Variants in TYW1 observed in about 807,000 individuals in gnomAD.
TYW1 encodes the protein tRNA-yW synthesizing protein 1 homolog.
TYW1 carries 46 observed loss-of-function variants against 96.2 expected under a neutral mutation model. The ratio of observed to expected loss-of-function variants is 0.48; its 90% CI spans 0.38 to 0.61. TYW1 has a LOEUF of 0.61. Ranked by LOEUF, TYW1 falls within the 20% of genes least tolerant of loss-of-function variation. The pLI, the probability that TYW1 is intolerant of heterozygous loss-of-function variation, is 0.00. For synonymous variants in TYW1, 274 were observed against 323.0 expected (o/e 0.85, Z 1.63); for missense variants, 684 against 909.6 (o/e 0.75, Z 3.19).
At chr7:67,087,643 A>G (rs1232878675) in intron 11 of TYW1, among the ~76,000 whole-genome samples, 3 of 152,070 alleles carry the variant, frequency 2.0e-5, no homozygotes, top group African/African-American at 7.3e-5. Flanking sequence ...TTACCATGTC[A>G]GGAAAACCTC....
chr7:67,144,573 C>T (rs1038063535), intron 13 of TYW1, among the ~76,000 whole-genome samples: 10 of 152,120 alleles, frequency 6.6e-5, no homozygotes, highest in Non-Finnish European at 1.3e-4. Context: ...CCGACTCAAG[C>T]AATCCTCCTG....
intron 13 of TYW1, among the ~76,000 whole-genome samples, chr7:67,171,107 T>C (rs1403703974): frequency 5.3e-5 from 8 of 152,136 alleles, no homozygotes. Flanking sequence ...CCATTTCTCC[T>C]TGAGTCATTT....
intron 5 of TYW1, among the ~76,000 whole-genome samples, 190 bp downstream of exon 5, chr7:67,014,751 T>G (rs778809042): frequency 2.2e-4 from 33 of 152,192 alleles, no homozygotes; most frequent in Non-Finnish European, 4.3e-4. Context: ...TTGATTGAGA[T>G]AGAGTTTTGC....
At chr7:67,114,736 G>A (rs1797537866) in intron 12 of TYW1, among the ~76,000 whole-genome samples, 1 of 152,152 alleles carries the variant, frequency 6.6e-6, no homozygotes, top group Non-Finnish European at 1.5e-5. Flanking sequence ...ACTCTACTGG[G>A]AGCCTCATTA....
At chr7:67,063,171 A>G (rs1361057072) in intron 9 of TYW1, among the ~76,000 whole-genome samples, 4 of 152,222 alleles carry the variant, frequency 2.6e-5, no homozygotes, top group Non-Finnish European at 5.9e-5. Context: ...CACCATATCA[A>G]ACATGCTAAG....
intron 7 of TYW1, among the ~76,000 whole-genome samples, chr7:67,042,119 TTAAC>T (rs1234850448): frequency 2.0e-5 from 3 of 147,706 alleles, no homozygotes; most frequent in African/African-American, 4.9e-5. Flanking sequence ...GAATATAATT[TTAAC>T]TAATTATTCT....
chr7:67,213,252 C>T (rs1401523253), intron 15 of TYW1, among the ~76,000 whole-genome samples: 1 of 152,024 alleles, frequency 6.6e-6, no homozygotes, highest in Non-Finnish European at 1.5e-5. Context: ...ACTGCAGCCT[C>T]TAATTCCTGG....
In TYW1 at chr7:67,195,717, A is replaced by G. The variant is rs183359446; in HGVS notation, c.1977+380A>G. ...TAGCTGTCAGAAGCAATATTGTGGT[A>G]TCTATCAAATTTTAGATTGCTTGAA... On this transcript the variant is annotated intron_variant, in intron 15 of 15. Coordinates refer to ENST00000359626, the MANE Select transcript of TYW1 (RefSeq NM_018264.4). 2.6e-3 allele frequency among the ~76,000 whole-genome samples: 394 copies of G among 152,268 alleles called. 3 individuals carry two copies. Among genetic ancestry groups the G allele is most frequent in the African/African-American group, 9.0e-3 (374 of 41,518 alleles).
chr7:67,044,260 G>A (rs1482905501), intron 7 of TYW1, among the ~76,000 whole-genome samples: 1 of 151,730 alleles, frequency 6.6e-6, no homozygotes, highest in Non-Finnish European at 1.5e-5. Context: ...CACCACGCCT[G>A]GCTAATTTTT....
chr7:67,092,213 C>T (rs540293572), intron 11 of TYW1, among the ~76,000 whole-genome samples: 6 of 152,118 alleles, frequency 3.9e-5, no homozygotes, highest in Admixed American at 3.3e-4. Context: ...GAAAGTAGAG[C>T]CAGCTGATTG....
At chr7:67,056,100 A>T (rs909762494) in intron 9 of TYW1, among the ~76,000 whole-genome samples, 2 of 152,208 alleles carry the variant, frequency 1.3e-5, no homozygotes, top group Non-Finnish European at 2.9e-5. Context: ...TCCCCACCCC[A>T]GTGAATTTAT....
At chr7:67,092,746 G>A (rs1267798344) in intron 11 of TYW1, among the ~76,000 whole-genome samples, 2 of 137,924 alleles carry the variant, frequency 1.5e-5, no homozygotes, top group Non-Finnish European at 3.1e-5. Context: ...GCAGTGGTGA[G>A]ATCTCGGCTC....
At chr7:67,027,143 TG>T (rs992770593) in intron 7 of TYW1, among the ~76,000 whole-genome samples, 36 of 151,460 alleles carry the variant, frequency 2.4e-4, no homozygotes, top group African/African-American at 7.8e-4. Flanking sequence ...GAGGCTGCAG[TG>T]AGCTGTGATC....
intron 13 of TYW1, among the ~76,000 whole-genome samples, chr7:67,175,685 G>A (rs1467692300): frequency 6.6e-6 from 1 of 152,126 alleles, no homozygotes; most frequent in Non-Finnish European, 1.5e-5. Context: ...AAAGCTGGTA[G>A]GATAAGGTTA....
At chr7:67,056,701 T>C (rs1436999103) in intron 9 of TYW1, among the ~76,000 whole-genome samples, 6 of 152,220 alleles carry the variant, frequency 3.9e-5, no homozygotes, top group Non-Finnish European at 7.3e-5. Context: ...ACATTTGGTC[T>C]GTTTTTAATT....
At chr7:67,076,293 G>T (rs1796200192) in intron 10 of TYW1, among the ~76,000 whole-genome samples, 1 of 152,182 alleles carries the variant, frequency 6.6e-6, no homozygotes, top group African/African-American at 2.4e-5. Context: ...CATGGCAGAA[G>T]TGCTGGCGAG....
At chr7:67,226,139 A>G (rs1801554460) in intron 15 of TYW1, among the ~76,000 whole-genome samples, 1 of 152,208 alleles carries the variant, frequency 6.6e-6, no homozygotes, top group Non-Finnish European at 1.5e-5. Flanking sequence ...TCTTGCTTCT[A>G]ACCTCCAAGC....
Position 67,017,897 on chromosome 7 carries a change from T to A in TYW1, c.615T>A (p.His205Gln). The A allele has an allele frequency of 6.2e-7, 1 of 1,613,978 alleles. No individual in the cohort carries two copies. The highest frequency in any genetic ancestry group is 1.1e-5 in the South Asian group (1 of 91,070). Residue 205 changes from histidine to glutamine, a missense_variant, in exon 6 of 16, where the codon CAT becomes CAA. Transcript: ENST00000359626. The stretch of plus-strand genomic sequence containing the variant: ...AGTGGCTCTGGATGCTTGGCGCGCA[T>A]CGTGTGATGAGTCGAGGGGAGGGCG... ...VDKWLWMLGAHRVMSRGEGDC... is the reference protein window; with the variant it reads ...VDKWLWMLGAQRVMSRGEGDC...
chr7:67,139,769 G>GTGTGTA (rs978908879), intron 13 of TYW1, among the ~76,000 whole-genome samples: 1 of 149,176 alleles, frequency 6.7e-6, no homozygotes, highest in Non-Finnish European at 1.5e-5. Context: ...GTGTGTGTGT[G>GTGTGTA]TGTATGCCCA....
Sources: gnomAD v4.1 joint callset for allele counts (sites outside exome capture counted in the v4.1 genomes callset) on GRCh38, gnomAD v4.1.1 for gene constraint, MANE v1.5 for transcripts, NCBI Gene and HGNC (gene_info 2026-07-23, HGNC 2026-07-21) for gene names.